The following MEST variants were observed in gnomAD, a reference collection of about 807,000 sequenced individuals.
MEST encodes mesoderm specific transcript, also known as mesoderm-specific transcript homolog protein.
A neutral mutation model predicts 50.9 loss-of-function variants in MEST; 18 were observed. That is an observed-to-expected ratio of 0.35 (90% CI 0.24 to 0.52). The LOEUF is 0.52. MEST is among the 20% of genes least tolerant of loss of function. MEST has a pLI of 0.94. For missense variants in MEST, 282 were observed against 425.3 expected, an observed-to-expected ratio of 0.66 and a Z score of 2.96; for synonymous variants, 130 against 154.1, an observed-to-expected ratio of 0.84 and a Z score of 1.16.
At chr7:130,504,759 T>A (rs1166748814) in intron 11 of MEST, among the ~76,000 whole-genome samples, 180 bp from the exon 12 acceptor site, 3 of 152,270 alleles carry the variant, frequency 2.0e-5, no homozygotes. Context: ...CTAGTTTGTA[T>A]AAATGGAATT....
chr7:130,504,875 C>T, intron 11 of MEST, 64 bp from the exon 12 acceptor site: 1 of 1,265,108 alleles, frequency 7.9e-7, no homozygotes, highest in Non-Finnish European at 1.2e-6. Flanking sequence ...CTGGGGCTTC[C>T]CACTGGCTTA....
At chr7:130,488,746 C>T (rs1343727360), upstream of MEST, 1 of 152,236 alleles carries the variant, frequency 6.6e-6, no homozygotes, top group Non-Finnish European at 1.5e-5. Context: ...AGTTGACCTT[C>T]TCTGAACACA....
intron 6 of MEST, among the ~76,000 whole-genome samples, chr7:130,499,151 A>G (rs60376572): frequency 0.011 from 1,708 of 152,314 alleles, 33 homozygotes; most frequent in African/African-American, 0.039. Flanking sequence ...CTCCTAACTG[A>G]TGGCAGTGCC....
Position 130,500,687 on chromosome 7 carries a change from T to C in MEST, c.648-102T>C. 8.4e-7 allele frequency: 1 copy of C among 1,190,198 alleles called. No individual in the cohort carries two copies. Among genetic ancestry groups the C allele is most frequent in the Non-Finnish European group, 1.2e-6 (1 of 831,996 alleles). 73.7% of individuals were successfully genotyped at this position (1,190,198 alleles called of 1,614,324 possible). ...AAGGAATTCATAAATCACTTATGGG[T>C]CAGACTGCATGGCCCAGACTGCATG... On this transcript the variant is annotated intron_variant, in intron 8 of 11. Coordinates refer to ENST00000223215, the MANE Select transcript of MEST (RefSeq NM_002402.4). The surrounding 1 kb of genome is among the most constrained non-coding windows in gnomAD (Gnocchi z 5.0).
chr7:130,489,087 A>T (rs1289549641), upstream of MEST: 4 of 152,162 alleles, frequency 2.6e-5, no homozygotes, highest in African/African-American at 9.7e-5. Context: ...TTGTCATATT[A>T]TGGGTCTCAA....
At chr7:130,503,887 C>T (rs1554439145) in intron 10 of MEST, 46 bp from the exon 11 acceptor site, 5 of 1,420,072 alleles carry the variant, frequency 3.5e-6, no homozygotes, top group African/African-American at 1.4e-5. Context: ...GGGAGTAGAA[C>T]AGATGTGAGA....
At chr7:130,504,887 A>G in intron 11 of MEST, 52 bp from the exon 12 acceptor site, 2 of 1,426,640 alleles carry the variant, frequency 1.4e-6, no homozygotes, top group Non-Finnish European at 9.9e-7. Context: ...ACTGGCTTAC[A>G]TCCCTCCCGC....
At chr7:130,499,245 T>C (rs1019043901) in intron 6 of MEST, among the ~76,000 whole-genome samples, 1 of 152,240 alleles carries the variant, frequency 6.6e-6, no homozygotes, top group African/African-American at 2.4e-5. Flanking sequence ...AAATGTCTCC[T>C]GAACGCCTTA....
chr7:130,494,171 G>A (rs916093344), intron 1 of MEST, among the ~76,000 whole-genome samples: 1 of 152,200 alleles, frequency 6.6e-6, no homozygotes, highest in Admixed American at 6.5e-5. Flanking sequence ...GGGGGGAAAA[G>A]TATCTTGTAA....
chr7:130,499,182 C>T (rs1188097117), intron 6 of MEST, among the ~76,000 whole-genome samples: 3 of 152,000 alleles, frequency 2.0e-5, no homozygotes, highest in Admixed American at 6.5e-5. Context: ...TAGAAAATAC[C>T]GAACCCCTGA....
In MEST at chr7:130,500,961, TC is replaced by T. The variant is rs1178262981; in HGVS notation, c.749+73del. On this transcript the variant is annotated intron_variant, in intron 9 of 11. Coordinates refer to ENST00000223215, the MANE Select transcript of MEST (RefSeq NM_002402.4). The surrounding 1 kb of genome is among the most constrained non-coding windows in gnomAD (Gnocchi z 5.0). ...GGAGAGTGGGGATTGCTTGTTCTGTTCCTTGCTGGCTTATTCCCTATCACAG... is the reference window on the plus strand; with the variant it reads ...GGAGAGTGGGGATTGCTTGTTCTGTTCTTGCTGGCTTATTCCCTATCACAG... 5 of 1,345,806 alleles carry T rather than the reference TC, an allele frequency of 3.7e-6. No homozygotes were observed. The African/African-American group carries it at 7.2e-5, about 19-fold the overall frequency. 83.4% of individuals were successfully genotyped at this position (1,345,806 alleles called of 1,614,324 possible).
Position 130,500,531 on chromosome 7 carries a change from G to A in MEST, c.646G>A (p.Gly216Ser), listed in dbSNP as rs1285265011. 4.3e-6 allele frequency: 7 copies of A among 1,612,650 alleles called. No homozygotes were observed. The highest frequency in any genetic ancestry group is 1.3e-5 in the African/African-American group (1 of 74,918). Residue 216 changes from glycine (G) to serine (S), a missense_variant and splice_region_variant, in exon 8 of 12, where the codon GGT becomes AGT. By Grantham distance (56) the Gly-to-Ser change is moderately conservative (BLOSUM62 0). Transcript: ENST00000223215. The surrounding 1 kb of genome is among the most constrained non-coding windows in gnomAD (Gnocchi z 5.0). ...GATGAACTTCTTTGTATTCTCTCGA[G>A]GGTAAGTGTCACTGTCAAAGATTGT... ...RLMNFFVFSR[G>S]LTPVFGPYTR...
Position 130,495,896 on chromosome 7 carries a change from G to A in MEST, c.181+374G>A, listed in dbSNP as rs575092859. 68 of 307,930 alleles carry A rather than the reference G, an allele frequency of 2.2e-4. 1 individual carries two copies. The highest frequency in any genetic ancestry group is 1.7e-3 in the South Asian group (66 of 38,384). 19.1% of individuals were successfully genotyped at this position (307,930 alleles called of 1,614,324 possible). ...TCATTTTTTCTGTAGATTATTTGTA[G>A]TGTAACTGTGATTTAAGTCTTGATA... On this transcript the variant is annotated intron_variant, in intron 2 of 11. Coordinates refer to ENST00000223215, the MANE Select transcript of MEST (RefSeq NM_002402.4).
In MEST at chr7:130,498,803, T is replaced by C. The variant is rs1554437881; in HGVS notation, c.535+326T>C. ...CTAGTGGAGGACCTAGTAACAGCTA[T>C]ATCAGAAGGAGTGAGGAGTGTAAAG... On this transcript the variant is annotated intron_variant, in intron 6 of 11. Transcript: ENST00000223215. 1.4e-4 allele frequency: 58 copies of C among 423,258 alleles called. 1 individual carries two copies. In the South Asian group the frequency reaches 1.4e-3, roughly 10 times the overall value. The allele number at this position is 423,258 out of a possible 1,614,324, so 26.2% of individuals were successfully genotyped here.
intron 4 of MEST, 62 bp from the exon 5 acceptor site, chr7:130,498,077 G>A: frequency 1.2e-6 from 2 of 1,613,956 alleles, no homozygotes; most frequent in Non-Finnish European, 1.7e-6. Context: ...ATGAGGGTCA[G>A]GCTGGCAGAG....
chr7:130,499,902 T>C lies in MEST; in HGVS notation c.563T>C (p.Leu188Pro). The C allele has an allele frequency of 6.2e-7, 1 of 1,612,692 alleles. No homozygotes were observed. Among genetic ancestry groups the C allele is most frequent in the Non-Finnish European group, 8.5e-7 (1 of 1,179,334 alleles). ...ATCTTTCCTGAGACTCACCGTCCAC[T>C]CCTTCTCCAAAAGGTTGGTACTTCA... The part of the protein sequence containing the change: ...GGIFPETHRP[L>P]LLQKLLKDGG... The change falls in exon 7 of 12, where the codon CTC (leucine) becomes CCC (proline). Residue 188 changes from leucine (L) to proline (P), a missense_variant. Physicochemically the swap from Leu to Pro is moderately conservative, Grantham distance 98. Transcript: ENST00000223215.
upstream of MEST, chr7:130,488,733 T>C (rs1197786511): frequency 6.6e-6 from 1 of 152,244 alleles, no homozygotes; most frequent in Non-Finnish European, 1.5e-5. Context: ...TTGCAATTCA[T>C]TTAGTTGACC....
upstream of MEST, among the ~76,000 whole-genome samples, chr7:130,490,543 G>A (rs967292774): frequency 2.6e-5 from 4 of 152,174 alleles, no homozygotes; most frequent in Non-Finnish European, 4.4e-5. Flanking sequence ...GGCCGGCACC[G>A]TGGCGGGCTC....
At position 130,500,004 on chromosome 7, in the gene MEST, C is replaced by A; in HGVS notation, c.576+89C>A. On this transcript the variant is annotated intron_variant, in intron 7 of 11. Coordinates refer to ENST00000223215, the MANE Select transcript of MEST (RefSeq NM_002402.4). The surrounding 1 kb of genome is among the most constrained non-coding windows in gnomAD (Gnocchi z 5.0). ...CTTTTAAGGGCCATAGCTCCTGTAA[C>A]TGGCAGTAGTTAAATCCTCTTCCTT... The A allele has an allele frequency of 9.5e-7, 1 of 1,056,096 alleles. No homozygotes were observed. The highest frequency in any genetic ancestry group is 1.4e-6 in the Non-Finnish European group (1 of 710,308). 65.4% of individuals were successfully genotyped at this position (1,056,096 alleles called of 1,614,324 possible).
Sources: allele counts gnomAD v4.1 joint callset (sites outside exome capture counted in the v4.1 genomes callset), GRCh38; gene constraint gnomAD v4.1.1; non-coding constraint Gnocchi (gnomAD v3.1); transcripts MANE v1.5; gene names NCBI Gene and HGNC (gene_info 2026-07-23, HGNC 2026-07-21).